Variants in PCDHGA9 observed in about 807,000 individuals in gnomAD.
The protein encoded by PCDHGA9 is protocadherin gamma-A9.
In PCDHGA9, 37 loss-of-function variants were observed where a neutral mutation model predicts 62.5. The ratio of observed to expected loss-of-function variants is 0.59; its 90% confidence interval spans 0.46 to 0.78. The LOEUF is 0.78. PCDHGA9 is among the 30% of genes least tolerant of loss of function. PCDHGA9 has a pLI of 0.00. For synonymous variants in PCDHGA9, 459 were observed against 484.6 expected, an observed-to-expected ratio of 0.95 and a Z score of 0.69; for missense variants, 1,138 against 1,166.2, an observed-to-expected ratio of 0.98 and a Z score of 0.35.
At chr5:141,408,850 C>T (rs2095179070) in intron 1 of PCDHGA9, 2 of 1,613,554 alleles carry the variant, frequency 1.2e-6, no homozygotes, top group South Asian at 1.1e-5. Context: ...CTGCCTTGGA[C>T]GGAGGGGACC....
intron 1 of PCDHGA9, among the ~76,000 whole-genome samples, chr5:141,462,550 A>G (rs1485478117): frequency 6.6e-6 from 1 of 151,942 alleles, no homozygotes; most frequent in East Asian, 1.9e-4. Flanking sequence ...TTTCTTCTTC[A>G]GTGTTTACTG....
Position 141,487,413 on chromosome 5 carries a change from A to G in PCDHGA9, c.2425-7394A>G, listed in dbSNP as rs1562119204. The G allele has an allele frequency of 1.2e-6, 2 of 1,614,172 alleles. No homozygotes were observed. The highest frequency in any genetic ancestry group is 2.2e-5 in the East Asian group (1 of 44,862). ...AGGAGGGAGGGGCTTCCCCCTTCCA[A>G]TGGGATCCTCCGAATCCAGCTAGGG... On this transcript the variant is annotated intron_variant, in intron 1 of 3. Coordinates refer to ENST00000573521, the MANE Select transcript of PCDHGA9 (RefSeq NM_018921.3). This position sits in a 1 kb window ranked among gnomAD's most constrained non-coding sequence, Gnocchi z 5.0.
chr5:141,425,317 C>T (rs78746536), intron 1 of PCDHGA9, among the ~76,000 whole-genome samples: 174 of 152,168 alleles, frequency 1.1e-3, no homozygotes, highest in East Asian at 3.7e-3. Context: ...TTCCCAAGAT[C>T]GTGGAGAACA....
chr5:141,473,349 T>G (rs2099319716), intron 1 of PCDHGA9, among the ~76,000 whole-genome samples: 1 of 152,232 alleles, frequency 6.6e-6, no homozygotes, highest in Non-Finnish European at 1.5e-5. Context: ...ACAGTGAGGA[T>G]GCAAGTGGCC....
chr5:141,413,002 G>A, intron 1 of PCDHGA9: 2 of 597,506 alleles, frequency 3.3e-6, no homozygotes, highest in East Asian at 3.0e-5. Context: ...GGATTCTCAG[G>A]GCTTCAACTA....
Position 141,512,836 on chromosome 5 carries a change from T to G in PCDHGA9, c.*1663T>G, listed in dbSNP as rs1024777792. On this transcript the variant is annotated 3_prime_UTR_variant, in exon 4 of 4. Transcript: ENST00000573521. ...GGCGACCCCCTCCCCCGTACTGACTTCTCCTATAAGCGCTTCTCTTCGCAT... is the reference window on the plus strand; with the variant it reads ...GGCGACCCCCTCCCCCGTACTGACTGCTCCTATAAGCGCTTCTCTTCGCAT... 2 of 152,222 alleles carry G rather than the reference T, an allele frequency of 1.3e-5. No homozygotes were observed. Among genetic ancestry groups the G allele is most frequent in the African/African-American group, 4.8e-5 (2 of 41,412 alleles). The allele number at this position is 152,222 out of a possible 1,614,324, so 9.4% of individuals were successfully genotyped here. A position where few individuals can be genotyped will look rare whatever the true frequency, so the allele number is the denominator to read the frequency against.
rs752955570 is a variant in PCDHGA9, at chr5:141,404,044, A to G, written c.1092A>G (p.Thr364=). 1.9e-6 allele frequency: 3 copies of G among 1,613,936 alleles called. No homozygotes were observed. Among genetic ancestry groups the G allele is most frequent in the South Asian group, 1.1e-5 (1 of 91,080 alleles). ...SPVREDAPQG[T]VILLFNAHDR... ...TGAGAGAAGACGCACCTCAGGGAAC[A>G]GTAATTCTTCTTTTCAATGCTCATG... is the stretch of plus-strand genomic sequence containing the variant. Residue 364 remains threonine (T), a synonymous_variant, in exon 1 of 4, where the codon ACA becomes ACG. Coordinates refer to ENST00000573521, the MANE Select transcript of PCDHGA9 (RefSeq NM_018921.3).
rs754836894 is a variant in PCDHGA9, at chr5:141,432,969, C to A, written c.2424+27593C>A. 6.2e-7 allele frequency: 1 copy of A among 1,614,148 alleles called. No individual in the cohort carries two copies. Among genetic ancestry groups the A allele is most frequent in the East Asian group, 2.2e-5 (1 of 44,852 alleles). ...GGAGGCGGCTTGACAGGAGCGCCGG[C>A]GTCGCACTTTGTGGGCGTGGACGGG... is the stretch of plus-strand genomic sequence containing the variant. On this transcript the variant is annotated intron_variant, in intron 1 of 3. Coordinates refer to ENST00000573521, the MANE Select transcript of PCDHGA9 (RefSeq NM_018921.3). This position sits in a 1 kb window ranked among gnomAD's most constrained non-coding sequence, Gnocchi z 6.0.
At position 141,476,140 on chromosome 5, in the gene PCDHGA9, C is replaced by A. The variant is rs1410430310; in HGVS notation, c.2425-18667C>A. On this transcript the variant is annotated intron_variant, in intron 1 of 3. Coordinates refer to ENST00000573521, the MANE Select transcript of PCDHGA9 (RefSeq NM_018921.3). The surrounding 1 kb of genome is among the most constrained non-coding windows in gnomAD (Gnocchi z 7.6). ...AGATGGTCCCAGAGGCCTGGAGGAG[C>A]GGACTGGTAAGCACCGGGAGGGTAG... 6 of 1,609,222 alleles carry A rather than the reference C, an allele frequency of 3.7e-6. No homozygotes were observed. The highest frequency in any genetic ancestry group is 5.1e-6 in the Non-Finnish European group (6 of 1,178,484).
chr5:141,476,070 C>T lies in PCDHGA9; in HGVS notation c.2425-18737C>T. ...CCCGCTGAAAGTTTCTCAGCGAAAT[C>T]TCAGGGACGATCTGGACCCCGCTGA... is the stretch of plus-strand genomic sequence containing the variant. On this transcript the variant is annotated intron_variant, in intron 1 of 3. Transcript: ENST00000573521. This position sits in a 1 kb window ranked among gnomAD's most constrained non-coding sequence, Gnocchi z 7.6. 6.6e-7 allele frequency: 1 copy of T among 1,522,382 alleles called. No individual in the cohort carries two copies. The highest frequency in any genetic ancestry group is 1.3e-5 in the South Asian group (1 of 77,762). 94.3% of individuals were successfully genotyped at this position (1,522,382 alleles called of 1,614,324 possible). A position where few individuals can be genotyped will look rare whatever the true frequency, so the allele number is the denominator to read the frequency against.
chr5:141,413,207 C>CA lies in PCDHGA9; in HGVS notation c.2424+7834dup, dbSNP rs753988593. On this transcript the variant is annotated intron_variant, in intron 1 of 3. Transcript: ENST00000573521. The stretch of plus-strand genomic sequence containing the variant: ...GCTCAAAGGAATCGCTCAAAGGAAT[C>CA]AAAGGATTGCAGCGGGCTGGTCCTG... The CA allele has an allele frequency of 1.7e-5, 27 of 1,612,874 alleles. No homozygotes were observed. In the East Asian group the frequency reaches 6.0e-4, roughly 36 times the overall value.
chr5:141,473,905 G>T (rs940750776), intron 1 of PCDHGA9, among the ~76,000 whole-genome samples: 2 of 152,096 alleles, frequency 1.3e-5, no homozygotes, highest in African/African-American at 4.8e-5. Context: ...TCATGAAGAG[G>T]TCTTAAGAAA....
Position 141,486,971 on chromosome 5 carries a change from T to G in PCDHGA9, c.2425-7836T>G. ...AAAGGTGACTGCTGTGGACTTGGAT[T>G]CAGGTTACAATGCTTGGGTTTCCTA... On this transcript the variant is annotated intron_variant, in intron 1 of 3. Transcript: ENST00000573521. The surrounding 1 kb of genome is among the most constrained non-coding windows in gnomAD (Gnocchi z 5.0). The G allele has an allele frequency of 6.2e-7, 1 of 1,614,220 alleles. No homozygotes were observed. The highest frequency in any genetic ancestry group is 8.5e-7 in the Non-Finnish European group (1 of 1,180,042).
In PCDHGA9 at chr5:141,486,890, G is replaced by T; in HGVS notation, c.2425-7917G>T. On this transcript the variant is annotated intron_variant, in intron 1 of 3. Coordinates refer to ENST00000573521, the MANE Select transcript of PCDHGA9 (RefSeq NM_018921.3). The surrounding 1 kb of genome is among the most constrained non-coding windows in gnomAD (Gnocchi z 5.0). ...TGTGCTCCGTCCTCGGGCCCGGCCT[G>T]GTTCCTTATGTCCCCAAGCACTGCC... 6.2e-7 allele frequency: 1 copy of T among 1,614,242 alleles called. No individual in the cohort carries two copies. The highest frequency in any genetic ancestry group is 8.5e-7 in the Non-Finnish European group (1 of 1,180,048).
rs771411620 is a variant in PCDHGA9, at chr5:141,485,551, G to A, written c.2425-9256G>A. ...GAGCAGAGGTAGAGATCGTAGATGT[G>A]AATGATCACGCCCCCCGTTTTCCGC... On this transcript the variant is annotated intron_variant, in intron 1 of 3. Transcript: ENST00000573521. This position sits in a 1 kb window ranked among gnomAD's most constrained non-coding sequence, Gnocchi z 5.7. 1.9e-6 allele frequency: 3 copies of A among 1,613,958 alleles called. No individual in the cohort carries two copies. Among genetic ancestry groups the A allele is most frequent in the Admixed American group, 1.7e-5 (1 of 60,006 alleles).
rs562872139 is a variant in PCDHGA9 at position 141,408,923 on chromosome 5, G to A, written c.2424+3547G>A. The A allele has an allele frequency of 5.6e-6, 9 of 1,613,488 alleles. No individual in the cohort carries two copies. The African/African-American group carries it at 1.1e-4, about 19-fold the overall frequency. ...CAAGGATACCAATGATAACCCCCCG[G>A]TTTTCAGCAGAGACGAATATAGAAT... On this transcript the variant is annotated intron_variant, in intron 1 of 3. Coordinates refer to ENST00000573521, the MANE Select transcript of PCDHGA9 (RefSeq NM_018921.3).
At chr5:141,447,023 G>GT (rs5871773) in intron 1 of PCDHGA9, among the ~76,000 whole-genome samples, 28,105 of 151,474 alleles carry the variant, frequency 0.19, 2,731 homozygotes, top group African/African-American at 0.24. Context: ...GTTTTGTTTT[G>GT]TTTTTTTTCT....
At chr5:141,451,113 C>T (rs2098707217) in intron 1 of PCDHGA9, among the ~76,000 whole-genome samples, 1 of 152,152 alleles carries the variant, frequency 6.6e-6, no homozygotes. Context: ...CAGGCGTGAG[C>T]CACCACACCC....
In PCDHGA9 at chr5:141,403,867, A is replaced by C. The variant is rs755401788; in HGVS notation, c.915A>C (p.Lys305Asn). ...ATACTGGGGAAATATCAACAGCAAA[A>C]AGTCTAGATTATGAAGAATGTTCAT... ...NENTGEISTAKSLDYEECSFY... is the reference protein window; with the variant it reads ...NENTGEISTANSLDYEECSFY... The change falls in exon 1 of 4, where the codon AAA becomes AAC. Residue 305 changes from lysine to asparagine, a missense_variant. By Grantham distance (94) the Lys-to-Asn change is moderately conservative. Transcript: ENST00000573521. 1.1e-5 allele frequency: 17 copies of C among 1,613,606 alleles called. No homozygotes were observed. Among genetic ancestry groups the C allele is most frequent in the Admixed American group, 3.3e-5 (2 of 59,990 alleles).
Sources: gnomAD v4.1 joint callset for allele counts (sites outside exome capture counted in the v4.1 genomes callset) on GRCh38, gnomAD v4.1.1 for gene constraint, Gnocchi (gnomAD v3.1) non-coding constraint, MANE v1.5 for transcripts, NCBI Gene and HGNC (gene_info 2026-07-23, HGNC 2026-07-21) for gene names.